The following SCNN1A variants were observed in gnomAD, a reference collection of about 807,000 sequenced individuals.
SCNN1A encodes sodium channel epithelial 1 subunit alpha.
Under a neutral mutation model 68.6 loss-of-function variants are expected in SCNN1A, and 65 were observed. The ratio of observed to expected loss-of-function variants is 0.95; its 90% CI spans 0.78 to 1.16. The LOEUF (loss-of-function observed/expected upper bound fraction) is 1.16, where lower values mean the gene tolerates loss of function less well. Ranked by LOEUF, SCNN1A falls within the 50% of genes most tolerant of loss-of-function variation. The pLI is 0.00. For missense variants in SCNN1A, 880 were observed against 865.9 expected (o/e 1.02, Z -0.20); for synonymous variants, 357 against 353.3 (o/e 1.01, Z -0.12).
upstream of SCNN1A, among the ~76,000 whole-genome samples, chr12:6,376,758 A>G (rs547981175): frequency 1.3e-5 from 2 of 152,176 alleles, no homozygotes; most frequent in Admixed American, 6.5e-5. Flanking sequence ...CGCGGCAGGG[A>G]AGGCTGCCGC....
At chr12:6,365,026 C>CTTTT (rs56408845) in intron 2 of SCNN1A, among the ~76,000 whole-genome samples, 1 of 136,770 alleles carries the variant, frequency 7.3e-6, no homozygotes, top group Non-Finnish European at 1.6e-5. Context: ...AAAATTCCAG[C>CTTTT]TTTTTTTTTT....
chr12:6,369,833 CAAAA>C (rs397850777), intron 2 of SCNN1A, among the ~76,000 whole-genome samples: 5 of 93,622 alleles, frequency 5.3e-5, no homozygotes, highest in Admixed American at 1.2e-4. Flanking sequence ...GACTCTGTCT[CAAAA>C]AAAAAAAAAA....
chr12:6,355,320 A>G lies in SCNN1A; in HGVS notation c.1095T>C (p.Gly365=). 1 of 1,613,838 alleles carries G rather than the reference A, an allele frequency of 6.2e-7. No homozygotes were observed. Among genetic ancestry groups the G allele is most frequent in the Non-Finnish European group, 8.5e-7 (1 of 1,179,900 alleles). The part of the protein sequence containing the change: ...GQDEPAFMDD[G]GFNLRPGVET... ...CCACGCCAGGCCGCAAGTTAAAGCCACCATCATCCATAAAGGCAGGTTCAT... is the reference window on the plus strand; with the variant it reads ...CCACGCCAGGCCGCAAGTTAAAGCCGCCATCATCCATAAAGGCAGGTTCAT... Residue 365 remains glycine, a synonymous_variant, in exon 6 of 13, where the codon GGT becomes GGC. Coordinates refer to ENST00000228916, the MANE Select transcript of SCNN1A (RefSeq NM_001038.6).
At position 6,369,108 on chromosome 12, in the gene SCNN1A, AC is replaced by A. The variant is rs761704141; in HGVS notation, c.416+5259del. On this transcript the variant is annotated intron_variant, in intron 2 of 12. Coordinates refer to ENST00000228916, the MANE Select transcript of SCNN1A (RefSeq NM_001038.6). ...ACATCCTGGCTGGGCCTCCCTTTCCACTCCTTCCCCAGGCTGGCTCAAGTCC... is the reference window on the plus strand; with the variant it reads ...ACATCCTGGCTGGGCCTCCCTTTCCATCCTTCCCCAGGCTGGCTCAAGTCC... 6.0e-5 allele frequency among the ~76,000 whole-genome samples: 9 copies of A among 149,784 alleles called. No individual in the cohort carries two copies. The East Asian group carries it at 1.4e-3, about 23-fold the overall frequency.
rs199671336 is a variant in SCNN1A at position 6,355,380 on chromosome 12, T to C, written c.1035A>G (p.Thr345=). ...EQNDFIPLLS[T]VTGARVMVHG... Reference sequence around the variant, plus strand: ...GCACCATTACCCGGGCCCCAGTCACTGTGGACAGCAGGGGAATGAAGTCAT... The same window carrying C: ...GCACCATTACCCGGGCCCCAGTCACCGTGGACAGCAGGGGAATGAAGTCAT... Residue 345 remains threonine (T), a synonymous_variant, in exon 6 of 13, where the codon ACA becomes ACG. Transcript: ENST00000228916. 182 of 1,613,856 alleles carry C rather than the reference T, an allele frequency of 1.1e-4. No homozygotes were observed. Among genetic ancestry groups the C allele is most frequent in the Non-Finnish European group, 1.4e-4 (168 of 1,179,976 alleles).
chr12:6,355,096 C>G (rs1406131743), intron 6 of SCNN1A, among the ~76,000 whole-genome samples, 176 bp downstream of exon 6: 1 of 152,100 alleles, frequency 6.6e-6, no homozygotes, highest in Non-Finnish European at 1.5e-5. Flanking sequence ...CCAGGGTCCA[C>G]CCTGCAGGGC....
intron 2 of SCNN1A, chr12:6,363,951 G>A: frequency 7.6e-6 from 3 of 392,174 alleles, no homozygotes; most frequent in South Asian, 7.9e-5. Context: ...TTTATTGAAG[G>A]AGAGAGGCAG....
At chr12:6,376,919 G>C (rs1339616150), upstream of SCNN1A, among the ~76,000 whole-genome samples, 5 of 152,198 alleles carry the variant, frequency 3.3e-5, no homozygotes. Flanking sequence ...AATAAGATAA[G>C]GTTTCTATTT....
intron 4 of SCNN1A, among the ~76,000 whole-genome samples, chr12:6,358,137 T>G (rs1340713318): frequency 6.6e-6 from 1 of 152,186 alleles, no homozygotes; most frequent in Non-Finnish European, 1.5e-5. Context: ...AGCTGTAAAA[T>G]GGGGATAATA....
Position 6,355,868 on chromosome 12 carries a change from G to C in SCNN1A, c.888C>G (p.His296Gln). 1 of 1,607,076 alleles carries C rather than the reference G, an allele frequency of 6.2e-7. No individual in the cohort carries two copies. Among genetic ancestry groups the C allele is most frequent in the Non-Finnish European group, 8.5e-7 (1 of 1,173,492 alleles). Reference protein sequence around the residue: ...QVSCNQANYSHFHHPMYGNCY... With the variant: ...QVSCNQANYSQFHHPMYGNCY... Reference sequence around the variant, plus strand: ...AGTTTCCATACATCGGGTGGTGGAAGTGAGAGTAATTCCTTATCAGGAAAG... The same window carrying C: ...AGTTTCCATACATCGGGTGGTGGAACTGAGAGTAATTCCTTATCAGGAAAG... The change falls in exon 5 of 13, where the codon CAC becomes CAG. Residue 296 changes from histidine (H) to glutamine (Q), a missense_variant. By Grantham distance (24) the His-to-Gln change is conservative (BLOSUM62 0). This residue lies in a region of SCNN1A where 758 missense variants were observed against 721.8 expected (regional missense o/e 1.05). Transcript: ENST00000228916.
chr12:6,347,667 GAGCCA>G lies in SCNN1A; in HGVS notation c.*201_*205del, dbSNP rs1948280881. ...GGCAGTACCAAGGGGTACAGGGCTG[GAGCCA>G]AGGCACTTCTGGGCAGCTTCATCAG... On this transcript the variant is annotated 3_prime_UTR_variant, in exon 13 of 13. Transcript: ENST00000228916. 1.6e-6 allele frequency: 1 copy of G among 621,606 alleles called. No homozygotes were observed. Among genetic ancestry groups the G allele is most frequent in the Non-Finnish European group, 2.9e-6 (1 of 345,244 alleles). 38.5% of individuals were successfully genotyped at this position (621,606 alleles called of 1,614,324 possible). A position where few individuals can be genotyped will look rare whatever the true frequency, so the allele number is the denominator to read the frequency against.
rs919941812 is a variant in SCNN1A at position 6,348,336 on chromosome 12, A to G, written c.1630-83T>C. On this transcript the variant is annotated intron_variant, in intron 12 of 12. Coordinates refer to ENST00000228916, the MANE Select transcript of SCNN1A (RefSeq NM_001038.6). Reference sequence around the variant, plus strand: ...GAGGAGCCCCCTTCCCTCCTCACCAAGCTGTCTCCCTTCATCCCTGAAGAC... The same window carrying G: ...GAGGAGCCCCCTTCCCTCCTCACCAGGCTGTCTCCCTTCATCCCTGAAGAC... The G allele has an allele frequency of 8.1e-6, 13 of 1,604,514 alleles. No homozygotes were observed. The African/African-American group carries it at 1.7e-4, about 22-fold the overall frequency.
At chr12:6,367,342 G>C (rs1948697558) in intron 2 of SCNN1A, among the ~76,000 whole-genome samples, 1 of 152,178 alleles carries the variant, frequency 6.6e-6, no homozygotes, top group Non-Finnish European at 1.5e-5. Context: ...GTTAAAAGAA[G>C]AACGTTAGGC....
At position 6,362,258 on chromosome 12, in the gene SCNN1A, G is replaced by C; in HGVS notation, c.685-17C>G. ...CTGGTTGCACTGGACACAGAGACTAGAGTCAGAGGGGACACGCAGCCGGGG... is the reference window on the plus strand; with the variant it reads ...CTGGTTGCACTGGACACAGAGACTACAGTCAGAGGGGACACGCAGCCGGGG... On this transcript the variant is annotated splice_polypyrimidine_tract_variant and intron_variant, in intron 3 of 12. Transcript: ENST00000228916. The C allele has an allele frequency of 3.7e-6, 6 of 1,611,266 alleles. No homozygotes were observed. The highest frequency in any genetic ancestry group is 4.2e-6 in the Non-Finnish European group (5 of 1,177,330).
In SCNN1A at chr12:6,348,934, C is replaced by T. The variant is rs1343655126; in HGVS notation, c.1553+16G>A. Reference sequence around the variant, plus strand: ...AAAGATTCCCTTCTTGTGGCTGGGACCAGGGCAGGACTGACCTCTTGTTGT... The same window carrying T: ...AAAGATTCCCTTCTTGTGGCTGGGATCAGGGCAGGACTGACCTCTTGTTGT... On this transcript the variant is annotated intron_variant, in intron 11 of 12. Transcript: ENST00000228916. 1.2e-6 allele frequency: 2 copies of T among 1,613,540 alleles called. No homozygotes were observed. The highest frequency in any genetic ancestry group is 1.7e-6 in the Non-Finnish European group (2 of 1,179,558).
chr12:6,349,300 C>A, intron 9 of SCNN1A, 27 bp downstream of exon 9: 1 of 1,613,534 alleles, frequency 6.2e-7, no homozygotes, highest in Non-Finnish European at 8.5e-7. Context: ...TTCTACCCAA[C>A]CTGTACCCGG....
Position 6,357,193 on chromosome 12 carries a change from A to T in SCNN1A, c.876-1313T>A, listed in dbSNP as rs565771201. Among the ~76,000 whole-genome samples, 186 of 152,280 alleles carry T rather than the reference A, an allele frequency of 1.2e-3. 1 individual carries two copies. Among genetic ancestry groups the T allele is most frequent in the African/African-American group, 3.9e-3 (160 of 41,550 alleles). On this transcript the variant is annotated intron_variant, in intron 4 of 12. Transcript: ENST00000228916. ...TCGCACACAGAGAGGGGACAAGTAT[A>T]ATGGTGGGTGCTGCCCCCATGGAAA... is the stretch of plus-strand genomic sequence containing the variant.
chr12:6,352,244 A>T (rs1948400982), intron 8 of SCNN1A, among the ~76,000 whole-genome samples: 1 of 152,044 alleles, frequency 6.6e-6, no homozygotes, highest in Admixed American at 6.6e-5. Context: ...CCAAAATAAT[A>T]ATAATAATAA....
chr12:6,376,483 A>C (rs1344993125), upstream of SCNN1A, among the ~76,000 whole-genome samples: 1 of 152,234 alleles, frequency 6.6e-6, no homozygotes, highest in Non-Finnish European at 1.5e-5. Flanking sequence ...CAGGGAAAGC[A>C]GGCACTGAAG....
Sources: gnomAD v4.1 joint callset for allele counts (sites outside exome capture counted in the v4.1 genomes callset) on GRCh38, gnomAD v4.1.1 for gene constraint, gnomAD v4.1.1 regional missense constraint, MANE v1.5 for transcripts, NCBI Gene and HGNC (gene_info 2026-07-23, HGNC 2026-07-21) for gene names.